MYT1L: variants seen among roughly 807,000 people sequenced by gnomAD.
MYT1L encodes myelin transcription factor 1 like.
A neutral mutation model predicts 126.7 loss-of-function variants in MYT1L; 12 were observed. That is an observed-to-expected ratio of 0.09 (90% CI 0.06 to 0.15). MYT1L has a LOEUF of 0.15. MYT1L is among the 10% of genes least tolerant of loss of function. The pLI is 1.00. For synonymous variants in MYT1L, 541 were observed against 604.2 expected (o/e 0.90, Z 1.53); for missense variants, 979 against 1,585.2 (o/e 0.62, Z 6.49).
chr2:1,885,242 C>A (rs1305947869), intron 18 of MYT1L: 2 of 152,528 alleles, frequency 1.3e-5, no homozygotes, highest in Non-Finnish European at 2.9e-5. Flanking sequence ...TCGAGCCATA[C>A]AAAAGACGCC....
Position 2,060,138 on chromosome 2 carries a change from C to T in MYT1L, c.-303-6015G>A, listed in dbSNP as rs538998862. On this transcript the variant is annotated intron_variant, in intron 3 of 24. Coordinates refer to ENST00000647738, the MANE Select transcript of MYT1L (RefSeq NM_001303052.2). ...CACAACACCTGGGCACATCAGATAGCGTGGCAGCAAGGAAGGACTGCAGCT... is the reference window on the plus strand; with the variant it reads ...CACAACACCTGGGCACATCAGATAGTGTGGCAGCAAGGAAGGACTGCAGCT... 7.2e-5 allele frequency among the ~76,000 whole-genome samples: 11 copies of T among 152,288 alleles called. No homozygotes were observed. The South Asian group carries it at 1.2e-3, about 17-fold the overall frequency.
intron 21 of MYT1L, chr2:1,828,129 C>T (rs1203407700): frequency 2.0e-5 from 3 of 152,098 alleles, no homozygotes; most frequent in Non-Finnish European, 2.9e-5. Context: ...GATCTCAGGG[C>T]GCGTTGGTTG....
intron 13 of MYT1L, among the ~76,000 whole-genome samples, chr2:1,904,518 A>G (rs547096587): frequency 1.3e-5 from 2 of 149,384 alleles, no homozygotes; most frequent in South Asian, 4.3e-4. Context: ...ACAGGCGTGC[A>G]CCACCACACC....
At chr2:2,115,451 G>A (rs1159110485) in intron 3 of MYT1L, among the ~76,000 whole-genome samples, 5 of 152,216 alleles carry the variant, frequency 3.3e-5, no homozygotes, top group Admixed American at 2.6e-4. Flanking sequence ...ATGAGACAGT[G>A]ACAGGCATAG....
At chr2:1,942,104 G>A (rs138466725) in intron 9 of MYT1L, among the ~76,000 whole-genome samples, 1 of 152,168 alleles carries the variant, frequency 6.6e-6, no homozygotes, top group African/African-American at 2.4e-5. Context: ...CTTACAACAT[G>A]TTTGGGCATT....
chr2:2,027,023 A>G lies in MYT1L; in HGVS notation c.-158+26955T>C, dbSNP rs188687585. On this transcript the variant is annotated intron_variant, in intron 4 of 24. Coordinates refer to ENST00000647738, the MANE Select transcript of MYT1L (RefSeq NM_001303052.2). ...AAGGGCAGCGTCCAGGCGGGGGCAC[A>G]TCGGATCGCTCCACCTGGACCCCTC... 2.0e-5 allele frequency among the ~76,000 whole-genome samples: 3 copies of G among 152,256 alleles called. No homozygotes were observed. The East Asian group carries it at 5.8e-4, about 29-fold the overall frequency.
At chr2:2,121,771 C>G (rs1178361712) in intron 3 of MYT1L, among the ~76,000 whole-genome samples, 2 of 152,190 alleles carry the variant, frequency 1.3e-5, no homozygotes, top group African/African-American at 4.8e-5. Context: ...AGGTGTGAGC[C>G]ACCGCGTTTT....
intron 1 of MYT1L, among the ~76,000 whole-genome samples, chr2:2,317,283 A>T (rs925702041): frequency 6.6e-6 from 1 of 152,180 alleles, no homozygotes; most frequent in Admixed American, 6.5e-5. Flanking sequence ...TCTCTGCAAA[A>T]TGGTGACAAA....
intron 1 of MYT1L, among the ~76,000 whole-genome samples, chr2:2,320,678 G>A (rs192124190): frequency 6.6e-6 from 1 of 152,260 alleles, no homozygotes; most frequent in East Asian, 1.9e-4. Context: ...GACTTATCCT[G>A]TTGATCACTG....
At chr2:1,902,971 C>T in intron 14 of MYT1L, 109 bp downstream of exon 14, 1 of 992,630 alleles carries the variant, frequency 1.0e-6, no homozygotes, top group Non-Finnish European at 1.6e-6. Context: ...CTTTTGGTAC[C>T]CATTGAGTGA....
chr2:2,325,341 G>C (rs1402010964), intron 1 of MYT1L: 1 of 152,158 alleles, frequency 6.6e-6, no homozygotes, highest in African/African-American at 2.4e-5. Context: ...TTCTGTTTCA[G>C]TATGAGCTTC....
chr2:2,294,454 G>A (rs1375564311), intron 1 of MYT1L, among the ~76,000 whole-genome samples: 3 of 152,120 alleles, frequency 2.0e-5, no homozygotes, highest in Non-Finnish European at 4.4e-5. Flanking sequence ...CAGAAGCCGC[G>A]TCTGATGCCC....
At chr2:2,115,607 G>C (rs1027714898) in intron 3 of MYT1L, among the ~76,000 whole-genome samples, 1 of 152,250 alleles carries the variant, frequency 6.6e-6, no homozygotes, top group African/African-American at 2.4e-5. Context: ...AAATGTTTGT[G>C]GTGTGTCTAG....
rs534240596 is a variant in MYT1L, at chr2:2,159,822, G to A, written c.-304+13050C>T. ...CTTTGCATTAAATTGTTGATCATTT[G>A]CATTTCCTCTGGGGGGCTCTTCTGT... On this transcript the variant is annotated intron_variant, in intron 3 of 24. Coordinates refer to ENST00000647738, the MANE Select transcript of MYT1L (RefSeq NM_001303052.2). Among the ~76,000 whole-genome samples the A allele has an allele frequency of 5.3e-5, 8 of 152,158 alleles. No individual in the cohort carries two copies. In the South Asian group the frequency reaches 1.7e-3, roughly 32 times the overall value.
intron 2 of MYT1L, among the ~76,000 whole-genome samples, chr2:2,280,922 C>T (rs557624562): frequency 4.6e-5 from 7 of 152,254 alleles, no homozygotes; most frequent in East Asian, 3.9e-4. Flanking sequence ...TGGCTTGCCT[C>T]GGTGCGGCCA....
chr2:2,278,655 T>G (rs2095402696), intron 2 of MYT1L, among the ~76,000 whole-genome samples: 1 of 152,224 alleles, frequency 6.6e-6, no homozygotes, highest in Non-Finnish European at 1.5e-5. Flanking sequence ...AGGACACTAT[T>G]AACATACTTA....
intron 14 of MYT1L, among the ~76,000 whole-genome samples, chr2:1,895,556 G>A (rs993363880): frequency 3.9e-5 from 6 of 152,284 alleles, no homozygotes; most frequent in South Asian, 2.1e-4. Flanking sequence ...ATAAAGCCAC[G>A]CACCTACAAC....
rs1170523153 is a variant in MYT1L, at chr2:1,934,141, A to AT, written c.505+8840dup. ...AGGCACCCGCCACCACGCCTGGCTAATTTTTTGTATTTTTAGTAGAGACGG... is the reference window on the plus strand; with the variant it reads ...AGGCACCCGCCACCACGCCTGGCTAATTTTTTTGTATTTTTAGTAGAGACGG... On this transcript the variant is annotated intron_variant, in intron 9 of 24. Transcript: ENST00000647738. Among the ~76,000 whole-genome samples the AT allele has an allele frequency of 5.3e-5, 8 of 150,918 alleles. No individual in the cohort carries two copies. In the East Asian group the frequency reaches 7.9e-4, roughly 15 times the overall value.
At chr2:2,071,277 T>C (rs1558919941) in intron 3 of MYT1L, among the ~76,000 whole-genome samples, 1 of 152,222 alleles carries the variant, frequency 6.6e-6, no homozygotes, top group Admixed American at 6.5e-5. Flanking sequence ...AATAAAAATG[T>C]ACAGACCTCC....
Sources: gnomAD v4.1 joint callset for allele counts (sites outside exome capture counted in the v4.1 genomes callset) on GRCh38, gnomAD v4.1.1 for gene constraint, MANE v1.5 for transcripts, NCBI Gene and HGNC (gene_info 2026-07-23, HGNC 2026-07-21) for gene names.